CPEB1: variants seen among roughly 807,000 people sequenced by gnomAD.
The protein encoded by CPEB1 is cytoplasmic polyadenylation element-binding protein 1.
Under a neutral mutation model 65.8 loss-of-function variants are expected in CPEB1, and 7 were observed. The ratio of observed to expected loss-of-function variants is 0.11; its 90% CI spans 0.06 to 0.20. The LOEUF is 0.20. Ranked by LOEUF, CPEB1 falls within the 10% of genes least tolerant of loss-of-function variation. The pLI is 1.00. For synonymous variants in CPEB1, 262 were observed against 260.0 expected (o/e 1.01, Z -0.08); for missense variants, 551 against 712.2 (o/e 0.77, Z 2.58).
upstream of CPEB1, chr15:82,647,747 A>C (rs955273144): frequency 8.9e-6 from 9 of 1,007,240 alleles, no homozygotes; most frequent in African/African-American, 1.5e-4. Flanking sequence ...ACTCGCCCGC[A>C]CGGGGCGGGG....
chr15:82,625,493 A>T (rs947643830), intron 3 of CPEB1, among the ~76,000 whole-genome samples: 1 of 152,230 alleles, frequency 6.6e-6, no homozygotes, highest in South Asian at 2.1e-4. Context: ...AACTAAAAAC[A>T]GTAGTTGTCC....
intron 9 of CPEB1, 67 bp from the exon 10 acceptor site, chr15:82,549,725 A>G: frequency 6.9e-7 from 1 of 1,457,440 alleles, no homozygotes; most frequent in Non-Finnish European, 9.6e-7. Context: ...CTTGCACGGC[A>G]AGGTACGTGC....
At chr15:82,611,365 T>A (rs2044138890) in intron 3 of CPEB1, among the ~76,000 whole-genome samples, 1 of 152,068 alleles carries the variant, frequency 6.6e-6, no homozygotes, top group South Asian at 2.1e-4. Flanking sequence ...ATGAATAAAT[T>A]GCAAGACTTG....
intron 3 of CPEB1, among the ~76,000 whole-genome samples, chr15:82,614,791 A>C (rs946625205): frequency 1.3e-5 from 2 of 152,150 alleles, no homozygotes; most frequent in African/African-American, 4.8e-5. Flanking sequence ...GTCCTTACAC[A>C]TTCTTCAAGA....
In CPEB1 at chr15:82,615,655, T is replaced by C. The variant is rs372649096; in HGVS notation, c.271+11538A>G. ...ATAATATAAAGAAAACAAAATCAAGTTGGATTTACAGCTATATCAACTGGA... is the reference window on the plus strand; with the variant it reads ...ATAATATAAAGAAAACAAAATCAAGCTGGATTTACAGCTATATCAACTGGA... On this transcript the variant is annotated intron_variant, in intron 3 of 12. Coordinates refer to ENST00000684509, the MANE Select transcript of CPEB1 (RefSeq NM_001365242.1). Among the ~76,000 whole-genome samples, 5 of 152,164 alleles carry C rather than the reference T, an allele frequency of 3.3e-5. No homozygotes were observed. The East Asian group carries it at 5.8e-4, about 18-fold the overall frequency.
intron 3 of CPEB1, among the ~76,000 whole-genome samples, chr15:82,587,436 A>G (rs2041890952): frequency 6.6e-6 from 1 of 152,244 alleles, no homozygotes. Context: ...GTCAAAATGG[A>G]CTACGAACTT....
intron 3 of CPEB1, among the ~76,000 whole-genome samples, chr15:82,584,367 T>C (rs1044203141): frequency 6.6e-6 from 1 of 150,950 alleles, no homozygotes; most frequent in Non-Finnish European, 1.5e-5. Context: ...ATTCTATCCA[T>C]GTACCCAGGT....
chr15:82,622,636 C>T lies in CPEB1; in HGVS notation c.271+4557G>A, dbSNP rs544327823. Among the ~76,000 whole-genome samples the T allele has an allele frequency of 1.8e-4, 27 of 152,258 alleles. No homozygotes were observed. In the South Asian group the frequency reaches 5.6e-3, roughly 32 times the overall value. On this transcript the variant is annotated intron_variant, in intron 3 of 12. Transcript: ENST00000684509. ...CAAACTCCTGACCTCAAGTGATCTG[C>T]CCACCTCGGCCTCCCAAAGTGCTGA...
intron 3 of CPEB1, among the ~76,000 whole-genome samples, chr15:82,609,602 C>T (rs2151234737): frequency 6.7e-6 from 1 of 148,174 alleles, no homozygotes; most frequent in South Asian, 2.1e-4. Context: ...GAGGAAGCAA[C>T]AAAGATTAAA....
At chr15:82,557,343 T>G (rs2037393235) in intron 5 of CPEB1, among the ~76,000 whole-genome samples, 1 of 152,192 alleles carries the variant, frequency 6.6e-6, no homozygotes, top group Non-Finnish European at 1.5e-5. Context: ...AATTACTACT[T>G]AAAAATTTTT....
At chr15:82,584,614 G>A (rs2041602483) in intron 3 of CPEB1, among the ~76,000 whole-genome samples, 1 of 148,306 alleles carries the variant, frequency 6.7e-6, no homozygotes, top group African/African-American at 2.5e-5. Context: ...GGAGGAGGAG[G>A]TTACAGTGAG....
intron 3 of CPEB1, among the ~76,000 whole-genome samples, chr15:82,611,721 C>CA (rs2044169154): frequency 1.3e-5 from 2 of 151,068 alleles, no homozygotes; most frequent in East Asian, 1.9e-4. Context: ...AAGAAAACCC[C>CA]AAAAAACAAA....
chr15:82,631,407 A>C (rs2046234668), intron 1 of CPEB1, among the ~76,000 whole-genome samples: 1 of 152,060 alleles, frequency 6.6e-6, no homozygotes, highest in African/African-American at 2.4e-5. Flanking sequence ...TGTTTGCCTT[A>C]ACCAATTTGG....
chr15:82,547,329 C>T lies in CPEB1; in HGVS notation c.1481-92G>A. 6 of 695,708 alleles carry T rather than the reference C, an allele frequency of 8.6e-6. No homozygotes were observed. In the South Asian group the frequency reaches 9.5e-5, roughly 11 times the overall value. The allele number at this position is 695,708 out of a possible 1,614,324, so 43.1% of individuals were successfully genotyped here. ...TTTTTTTTTTTGAGATGGAGTCTCG[C>T]TCTTTCGCCCAGGCTGGTGTGCAGT... On this transcript the variant is annotated intron_variant, in intron 10 of 12. Transcript: ENST00000684509.
chr15:82,561,558 G>T (rs551549133), intron 4 of CPEB1, among the ~76,000 whole-genome samples: 3 of 152,278 alleles, frequency 2.0e-5, no homozygotes, highest in Non-Finnish European at 4.4e-5. Flanking sequence ...ATGGGCTCTG[G>T]TAACTGTCCT....
intron 3 of CPEB1, chr15:82,583,422 A>G (rs984763830): frequency 1.3e-4 from 20 of 152,342 alleles, no homozygotes; most frequent in Non-Finnish European, 2.6e-4. Flanking sequence ...TAAACAGTAC[A>G]TCAAATTGGA....
chr15:82,585,571 C>T (rs527285900), intron 3 of CPEB1, among the ~76,000 whole-genome samples: 32 of 152,288 alleles, frequency 2.1e-4, no homozygotes, highest in Middle Eastern at 6.8e-3. Flanking sequence ...ATCCCTTTTA[C>T]AAGCATTAAA....
intron 3 of CPEB1, among the ~76,000 whole-genome samples, chr15:82,585,458 G>A (rs898105141): frequency 8.5e-5 from 13 of 152,138 alleles, no homozygotes; most frequent in African/African-American, 3.1e-4. Flanking sequence ...TTTCAAGGGA[G>A]AAAAAGAGCA....
chr15:82,551,934 A>G (rs1176569118), intron 9 of CPEB1, among the ~76,000 whole-genome samples: 1 of 152,204 alleles, frequency 6.6e-6, no homozygotes, highest in East Asian at 1.9e-4. Context: ...CATAAGGCTG[A>G]TATTAGAAAA....
Sources: gnomAD v4.1 joint callset for allele counts (sites outside exome capture counted in the v4.1 genomes callset) on GRCh38, gnomAD v4.1.1 for gene constraint, MANE v1.5 for transcripts, NCBI Gene and HGNC (gene_info 2026-07-23, HGNC 2026-07-21) for gene names.